BTBD9: variants seen among roughly 807,000 people sequenced by gnomAD.
The protein encoded by BTBD9 is BTB/POZ domain-containing protein 9.
In BTBD9, 49 loss-of-function variants were observed where a neutral mutation model predicts 64.3. The observed-to-expected ratio is 0.76, with a 90% confidence interval of 0.61 to 0.97. The LOEUF is 0.97. Ranked by LOEUF, BTBD9 falls within the 50% of genes least tolerant of loss-of-function variation. The pLI, the probability that BTBD9 is intolerant of heterozygous loss-of-function variation, is 0.00. For missense variants in BTBD9, 598 were observed against 762.1 expected (o/e 0.78, Z 2.53); for synonymous variants, 260 against 274.7 (o/e 0.95, Z 0.53).
chr6:38,418,814 T>C (rs999457514), intron 6 of BTBD9, among the ~76,000 whole-genome samples: 7 of 152,168 alleles, frequency 4.6e-5, no homozygotes, highest in African/African-American at 1.7e-4. Flanking sequence ...TGAGAATGCA[T>C]GGACTAGAAT....
intron 6 of BTBD9, among the ~76,000 whole-genome samples, chr6:38,439,670 G>A (rs192566618): frequency 1.4e-4 from 22 of 151,980 alleles, no homozygotes; most frequent in Non-Finnish European, 2.2e-4. Context: ...CAAATGATCC[G>A]CCCTCCTCAG....
intron 6 of BTBD9, among the ~76,000 whole-genome samples, chr6:38,450,423 C>T (rs1288032363): frequency 6.6e-6 from 1 of 152,166 alleles, no homozygotes; most frequent in African/African-American, 2.4e-5. Context: ...TATGTGTTCT[C>T]ACTACAAAAA....
chr6:38,614,789 C>T (rs1777732902), intron 1 of BTBD9, among the ~76,000 whole-genome samples: 1 of 152,212 alleles, frequency 6.6e-6, no homozygotes, highest in Non-Finnish European at 1.5e-5. Context: ...CTCACTCGGA[C>T]CCTCACATAG....
intron 6 of BTBD9, among the ~76,000 whole-genome samples, chr6:38,528,942 G>T (rs936202939): frequency 6.6e-6 from 1 of 152,186 alleles, no homozygotes; most frequent in Non-Finnish European, 1.5e-5. Flanking sequence ...CAGCTTGGGT[G>T]CCAGGTTGGC....
At chr6:38,179,297 C>T (rs1761433655) in intron 10 of BTBD9, 1 of 364,206 alleles carries the variant, frequency 2.7e-6, no homozygotes, top group South Asian at 2.0e-5. Flanking sequence ...CCTGATTTAG[C>T]AATTTGGAAT....
rs577371121 is a variant in BTBD9, at chr6:38,295,441, T to C, written c.1265-6980A>G. 2.6e-5 allele frequency among the ~76,000 whole-genome samples: 4 copies of C among 152,282 alleles called. No homozygotes were observed. In the South Asian group the frequency reaches 6.2e-4, roughly 24 times the overall value. On this transcript the variant is annotated intron_variant, in intron 7 of 10. Transcript: ENST00000481247. ...TCAGCTTCCCAAAGTGCTGGGGTTA[T>C]AGGCATGAGCCACCACGCCTGGCAA... is the stretch of plus-strand genomic sequence containing the variant.
At chr6:38,216,793 G>A (rs1763021723) in intron 9 of BTBD9, among the ~76,000 whole-genome samples, 1 of 152,152 alleles carries the variant, frequency 6.6e-6, no homozygotes, top group South Asian at 2.1e-4. Context: ...CCATCGGTGG[G>A]GGAGGGGTGT....
intron 6 of BTBD9, among the ~76,000 whole-genome samples, chr6:38,444,426 C>G (rs1769179715): frequency 6.6e-6 from 1 of 152,156 alleles, no homozygotes; most frequent in Admixed American, 6.5e-5. Context: ...AATTCTCTTC[C>G]TCTAGAGAAC....
At chr6:38,507,031 T>C (rs145551637) in intron 6 of BTBD9, among the ~76,000 whole-genome samples, 7 of 152,308 alleles carry the variant, frequency 4.6e-5, no homozygotes, top group African/African-American at 1.4e-4. Context: ...CTTGACGCTC[T>C]CTCTGCATGA....
At chr6:38,585,510 A>AT (rs1776476570) in intron 4 of BTBD9, among the ~76,000 whole-genome samples, 1 of 152,054 alleles carries the variant, frequency 6.6e-6, no homozygotes, top group African/African-American at 2.4e-5. Flanking sequence ...GCATCTCACT[A>AT]TATTGCCCAG....
At chr6:38,476,145 GA>G (rs2127374435) in intron 6 of BTBD9, among the ~76,000 whole-genome samples, 1 of 152,342 alleles carries the variant, frequency 6.6e-6, no homozygotes, top group East Asian at 1.9e-4. Flanking sequence ...TGAAGTAAAT[GA>G]AAGTAGTTTT....
At chr6:38,179,821 G>C (rs1761465915) in intron 10 of BTBD9, 1 of 456,806 alleles carries the variant, frequency 2.2e-6, no homozygotes, top group South Asian at 1.5e-5. Context: ...TTGCCTGGAA[G>C]AGGGGTCAGG....
chr6:38,574,671 C>T (rs1775945101), intron 6 of BTBD9, among the ~76,000 whole-genome samples: 1 of 152,204 alleles, frequency 6.6e-6, no homozygotes, highest in Admixed American at 6.5e-5. Flanking sequence ...ACTCTCACAT[C>T]AAACCCCATG....
intron 6 of BTBD9, among the ~76,000 whole-genome samples, chr6:38,528,749 TG>T (rs1303961313): frequency 1.4e-4 from 22 of 152,168 alleles, no homozygotes; most frequent in Admixed American, 4.6e-4. Context: ...AAAGAGCCTT[TG>T]GGCCCTGAAT....
intron 8 of BTBD9, among the ~76,000 whole-genome samples, chr6:38,279,367 C>T (rs532747209): frequency 6.6e-6 from 1 of 152,154 alleles, no homozygotes; most frequent in East Asian, 1.9e-4. Flanking sequence ...GGAAAAGAGT[C>T]TCTGATTTAA....
chr6:38,504,592 T>C lies in BTBD9; in HGVS notation c.1154+73008A>G, dbSNP rs1161369813. The C allele has an allele frequency of 2.0e-5, 9 of 456,524 alleles. No individual in the cohort carries two copies. In the Admixed American group the frequency reaches 2.1e-4, roughly 11 times the overall value. 28.3% of individuals were successfully genotyped at this position (456,524 alleles called of 1,614,324 possible). A position where few individuals can be genotyped will look rare whatever the true frequency, so the allele number is the denominator to read the frequency against. On this transcript the variant is annotated intron_variant, in intron 6 of 10. Coordinates refer to ENST00000481247, the MANE Select transcript of BTBD9 (RefSeq NM_001099272.2). Reference sequence around the variant, plus strand: ...GGGTGAAATGTGGATTTTTTTAGGCTTTGGGGGAAGTTATTAACAATATAG... The same window carrying C: ...GGGTGAAATGTGGATTTTTTTAGGCCTTGGGGGAAGTTATTAACAATATAG...
intron 7 of BTBD9, among the ~76,000 whole-genome samples, chr6:38,320,911 C>G (rs1214790582): frequency 1.3e-5 from 2 of 152,164 alleles, no homozygotes; most frequent in Admixed American, 6.5e-5. Context: ...TTCTACCGAC[C>G]TGCAAAAAAC....
intron 6 of BTBD9, among the ~76,000 whole-genome samples, chr6:38,407,107 A>G (rs1767206233): frequency 6.6e-6 from 1 of 152,234 alleles, no homozygotes; most frequent in Non-Finnish European, 1.5e-5. Flanking sequence ...GTTGCACCTG[A>G]GTATTTCTCA....
intron 6 of BTBD9, among the ~76,000 whole-genome samples, chr6:38,422,774 G>A (rs1186467970): frequency 1.3e-5 from 2 of 151,986 alleles, no homozygotes; most frequent in South Asian, 2.1e-4. Context: ...ATATTTTGAC[G>A]TTCTTTATCA....
Sources: allele counts gnomAD v4.1 joint callset (sites outside exome capture counted in the v4.1 genomes callset), GRCh38; gene constraint gnomAD v4.1.1; transcripts MANE v1.5; gene names NCBI Gene and HGNC (gene_info 2026-07-23, HGNC 2026-07-21).